PLIN3: variants seen among roughly 807,000 people sequenced by gnomAD.
PLIN3 encodes the protein perilipin-3.
Under a neutral mutation model 35.9 loss-of-function variants are expected in PLIN3, and 30 were observed. The ratio of observed to expected loss-of-function variants is 0.84; its 90% CI spans 0.62 to 1.13. The LOEUF is 1.13. Ranked by LOEUF, PLIN3 falls within the 50% of genes most tolerant of loss-of-function variation. The probability of loss-of-function intolerance (pLI) is 0.00; values close to 1 mark genes in which losing one functional copy is unlikely to be tolerated. For missense variants in PLIN3, 603 were observed against 596.9 expected (o/e 1.01, Z -0.11); for synonymous variants, 261 against 262.5 (o/e 0.99, Z 0.06).
chr19:4,846,066 TAGA>T, intron 6 of PLIN3, among the ~76,000 whole-genome samples: 1 of 144,320 alleles, frequency 6.9e-6, no homozygotes, highest in East Asian at 2.1e-4. Context: ...CTACTAAAAA[TAGA>T]AAAGAAAATT....
At chr19:4,840,633 T>A (rs2029878061) in intron 7 of PLIN3, among the ~76,000 whole-genome samples, 1 of 152,126 alleles carries the variant, frequency 6.6e-6, no homozygotes, top group Non-Finnish European at 1.5e-5. Context: ...TTTGACCTTA[T>A]AAGTCATTGA....
At chr19:4,840,113 G>C (rs1035704346) in intron 7 of PLIN3, among the ~76,000 whole-genome samples, 2 of 151,674 alleles carry the variant, frequency 1.3e-5, no homozygotes, top group African/African-American at 2.4e-5. Flanking sequence ...GACTACAGGC[G>C]CGTGCCACCA....
chr19:4,855,927 A>AC (rs963716299), intron 4 of PLIN3, among the ~76,000 whole-genome samples: 9 of 83,592 alleles, frequency 1.1e-4, no homozygotes, highest in Non-Finnish European at 2.3e-4. Flanking sequence ...CTTGTCTCAA[A>AC]AAAAAAAAAA....
chr19:4,842,779 G>A (rs1438938693), intron 7 of PLIN3, among the ~76,000 whole-genome samples: 1 of 152,012 alleles, frequency 6.6e-6, no homozygotes, highest in African/African-American at 2.4e-5. Flanking sequence ...AGCAGTCGGG[G>A]AAACAGGAGA....
Position 4,852,041 on chromosome 19 carries a change from G to A in PLIN3, c.609C>T (p.His203=). ...CCAGTTCGGCATCCGTAAGGGGCAGGTGGTTGTCCGCCCACTCCTCCGACT... is the reference window on the plus strand; with the variant it reads ...CCAGTTCGGCATCCGTAAGGGGCAGATGGTTGTCCGCCCACTCCTCCGACT... ...LGKSEEWADN[H]LPLTDAELAR... Residue 203 remains histidine (H), a synonymous_variant, in exon 5 of 8, where the codon CAC becomes CAT. Coordinates refer to ENST00000221957, the MANE Select transcript of PLIN3 (RefSeq NM_005817.5). The A allele has an allele frequency of 6.2e-7, 1 of 1,613,884 alleles. No homozygotes were observed. The highest frequency in any genetic ancestry group is 8.5e-7 in the Non-Finnish European group (1 of 1,179,944).
At chr19:4,864,455 GT>G (rs918927488) in intron 1 of PLIN3, among the ~76,000 whole-genome samples, 32 of 134,920 alleles carry the variant, frequency 2.4e-4, no homozygotes, top group Middle Eastern at 4.1e-3. Flanking sequence ...GCCGTGGTTT[GT>G]TTTTTTTTTT....
intron 7 of PLIN3, 132 bp from the exon 8 acceptor site, chr19:4,839,668 T>TA: frequency 5.7e-6 from 1 of 175,674 alleles, no homozygotes; most frequent in Non-Finnish European, 1.0e-5. Context: ...TAGGCGAAAC[T>TA]TTTTTTTTTT....
chr19:4,841,286 G>A (rs951279895), intron 7 of PLIN3, among the ~76,000 whole-genome samples: 6 of 152,174 alleles, frequency 3.9e-5, no homozygotes, highest in African/African-American at 1.2e-4. Context: ...GCCATGGAAC[G>A]TCATGGGGCT....
chr19:4,844,773 G>C lies in PLIN3; in HGVS notation c.855C>G (p.Gly285=). The C allele has an allele frequency of 6.2e-7, 1 of 1,600,938 alleles. No homozygotes were observed. The highest frequency in any genetic ancestry group is 8.5e-7 in the Non-Finnish European group (1 of 1,173,988). ...VLSLMETVKQ[G]VDQKLVEGQE... ...GGCCTTCCACCAGCTTCTGATCAAC[G>C]CCTTGCTTGACAGTTTCCATCTGGG... The change falls in exon 7 of 8, where the codon GGC becomes GGG. Residue 285 remains glycine, a synonymous_variant. Transcript: ENST00000221957.
intron 4 of PLIN3, 48 bp from the exon 5 acceptor site, chr19:4,852,349 GGCACCCCTCCCCT>G (rs771257071): frequency 3.8e-6 from 6 of 1,574,212 alleles, no homozygotes; most frequent in Non-Finnish European, 5.2e-6. Flanking sequence ...TCCATATCTG[GGCACCCCTCCCCT>G]GCACCCCAAC....
chr19:4,865,276 G>T (rs1433642683), intron 1 of PLIN3, among the ~76,000 whole-genome samples: 2 of 151,966 alleles, frequency 1.3e-5, no homozygotes, highest in Non-Finnish European at 2.9e-5. Flanking sequence ...ATCACCTAAG[G>T]TCGGGAGTTT....
At chr19:4,865,726 T>G (rs1309434004) in intron 1 of PLIN3, among the ~76,000 whole-genome samples, 2 of 129,036 alleles carry the variant, frequency 1.5e-5, no homozygotes, top group Admixed American at 8.0e-5. Flanking sequence ...ATTTTTTTTT[T>G]TTTGTTTTTT....
chr19:4,855,662 C>A (rs192450831), intron 4 of PLIN3, among the ~76,000 whole-genome samples: 2,363 of 152,266 alleles, frequency 0.016, 38 homozygotes, highest in Non-Finnish European at 0.024. Context: ...CCCGCCTCGG[C>A]CTCCCAAAGT....
rs1202753320 is a variant in PLIN3 at position 4,838,410 on chromosome 19, G to C, written c.*782C>G. The C allele has an allele frequency of 6.6e-6, 1 of 152,380 alleles. No individual in the cohort carries two copies. Among genetic ancestry groups the C allele is most frequent in the Non-Finnish European group, 1.5e-5 (1 of 68,056 alleles). The allele number at this position is 152,380 out of a possible 1,614,324, so 9.4% of individuals were successfully genotyped here. On this transcript the variant is annotated 3_prime_UTR_variant, in exon 8 of 8. Coordinates refer to ENST00000221957, the MANE Select transcript of PLIN3 (RefSeq NM_005817.5). ...GCATTTCAACAAGGCTTACCACACA[G>C]GCCCCAGTACCTTTCTACTCTACAA... is the stretch of plus-strand genomic sequence containing the variant.
intron 1 of PLIN3, among the ~76,000 whole-genome samples, chr19:4,865,725 T>C (rs1318163026): frequency 1.6e-5 from 2 of 128,828 alleles, no homozygotes; most frequent in African/African-American, 2.7e-5. Context: ...CATTTTTTTT[T>C]TTTTGTTTTT....
At chr19:4,846,561 T>C (rs1026864099) in intron 6 of PLIN3, among the ~76,000 whole-genome samples, 1 of 151,926 alleles carries the variant, frequency 6.6e-6, no homozygotes, top group Non-Finnish European at 1.5e-5. Flanking sequence ...TAGCCAGGCA[T>C]GGTGGCAAGT....
rs372345889 is a variant in PLIN3 at position 4,859,593 on chromosome 19, C to T, written c.345G>A (p.Glu115=). 11 of 1,613,692 alleles carry T rather than the reference C, an allele frequency of 6.8e-6. No individual in the cohort carries two copies. The African/African-American group carries it at 1.1e-4, about 16-fold the overall frequency. ...CCCTGAGGACGGACATCGTTACCTTCTCCGTGGGCTGCTGCAGGATGGGGA... is the reference window on the plus strand; with the variant it reads ...CCCTGAGGACGGACATCGTTACCTTTTCCGTGGGCTGCTGCAGGATGGGGA... ...ENLPILQQPT[E]KVLADTKELV... Residue 115 remains glutamate, a synonymous_variant, in exon 4 of 8, where the codon GAG becomes GAA. Transcript: ENST00000221957.
intron 4 of PLIN3, among the ~76,000 whole-genome samples, chr19:4,856,846 T>C (rs1277027923): frequency 2.0e-5 from 3 of 151,652 alleles, no homozygotes; most frequent in Non-Finnish European, 2.9e-5. Flanking sequence ...GCTGAGATTA[T>C]AGGAACTCAC....
chr19:4,851,927 GT>G, intron 5 of PLIN3, 88 bp downstream of exon 5: 2 of 1,360,750 alleles, frequency 1.5e-6, no homozygotes. Flanking sequence ...GCGGCAGTGA[GT>G]GTCGGCACAG....
Sources: allele counts gnomAD v4.1 joint callset (sites outside exome capture counted in the v4.1 genomes callset), GRCh38; gene constraint gnomAD v4.1.1; transcripts MANE v1.5; gene names NCBI Gene and HGNC (gene_info 2026-07-23, HGNC 2026-07-21).